Variants in SAMD5 observed in about 807,000 individuals in gnomAD.
SAMD5 encodes the protein sterile alpha motif domain-containing protein 5.
In SAMD5, 13 loss-of-function variants were observed where a neutral mutation model predicts 11.3. The observed-to-expected ratio is 1.15, with a 90% CI of 0.75 to 1.83. SAMD5 has a LOEUF of 1.83. Ranked by LOEUF, SAMD5 falls within the 40% of genes most tolerant of loss-of-function variation. The pLI is 0.00. For missense variants in SAMD5, 255 were observed against 239.1 expected, an observed-to-expected ratio of 1.07 and a Z score of -0.44; for synonymous variants, 129 against 111.3, an observed-to-expected ratio of 1.16 and a Z score of -1.00.
At chr6:147,754,472 G>T in the SAMD5 span, among the ~76,000 whole-genome samples, 1 of 151,082 alleles carries the variant, frequency 6.6e-6, no homozygotes, top group Non-Finnish European at 1.5e-5. Context: ...TCCTTTGTCA[G>T]ATGGGTAGTT....
chr6:147,548,875 C>T (rs1324316675), intron 1 of SAMD5, among the ~76,000 whole-genome samples: 1 of 152,076 alleles, frequency 6.6e-6, no homozygotes. Flanking sequence ...TCTTGCATTG[C>T]CCCTCCCTGC....
intron 1 of SAMD5, among the ~76,000 whole-genome samples, chr6:147,684,105 G>A (rs1790976215): frequency 6.6e-6 from 1 of 151,836 alleles, no homozygotes; most frequent in Admixed American, 6.6e-5. Context: ...GCCCCTGCTT[G>A]GTCCCCTTCC....
At chr6:147,857,503 G>T in the SAMD5 span, among the ~76,000 whole-genome samples, 1 of 151,698 alleles carries the variant, frequency 6.6e-6, no homozygotes, top group Non-Finnish European at 1.5e-5. Flanking sequence ...GACAGAGCAA[G>T]ACCTTATCTC....
chr6:147,792,530 A>G, the SAMD5 span, among the ~76,000 whole-genome samples: 2 of 152,188 alleles, frequency 1.3e-5, no homozygotes, highest in African/African-American at 4.8e-5. Flanking sequence ...TTCATATACT[A>G]TTTCCTTGCT....
Position 147,663,398 on chromosome 6 carries a change from A to T in SAMD5, c.163-73919A>T, listed in dbSNP as rs555374961. ...GGCTTAACACCTGGGTGATGAAATA[A>T]TCTGTACAACAAATCCCCATGAACC... On this transcript the variant is annotated intron_variant, in intron 1 of 1. Coordinates refer to the SAMD5 transcript ENST00000566741. Among the ~76,000 whole-genome samples, 5 of 152,318 alleles carry T rather than the reference A, an allele frequency of 3.3e-5. No homozygotes were observed. In the East Asian group the frequency reaches 9.6e-4, roughly 29 times the overall value.
chr6:147,868,462 A>G, the SAMD5 span, among the ~76,000 whole-genome samples: 2 of 152,314 alleles, frequency 1.3e-5, no homozygotes, highest in East Asian at 3.9e-4. Context: ...GACTTAATTA[A>G]TTACCTTCAA....
the SAMD5 span, among the ~76,000 whole-genome samples, chr6:147,901,680 T>G: frequency 6.6e-6 from 1 of 152,194 alleles, no homozygotes; most frequent in Non-Finnish European, 1.5e-5. Flanking sequence ...AAACAGAAAC[T>G]TGACCACAAT....
chr6:147,950,039 A>G, the SAMD5 span, among the ~76,000 whole-genome samples: 4 of 152,218 alleles, frequency 2.6e-5, no homozygotes. Flanking sequence ...AAGACATGTC[A>G]GGCACTTCAA....
intron 1 of SAMD5, among the ~76,000 whole-genome samples, chr6:147,638,681 T>C (rs1790267596): frequency 6.6e-6 from 1 of 152,180 alleles, no homozygotes; most frequent in Non-Finnish European, 1.5e-5. Flanking sequence ...CAAATAAGTG[T>C]GGGAGACCTC....
chr6:147,830,411 T>C, the SAMD5 span, among the ~76,000 whole-genome samples: 1 of 151,744 alleles, frequency 6.6e-6, no homozygotes, highest in South Asian at 2.1e-4. Context: ...TATGTACCAC[T>C]ACGCCTGGCT....
At chr6:147,700,483 A>G (rs923766260) in intron 1 of SAMD5, among the ~76,000 whole-genome samples, 5 of 152,208 alleles carry the variant, frequency 3.3e-5, no homozygotes, top group Non-Finnish European at 5.9e-5. Context: ...ATTCAGGTCT[A>G]TTTCACCTAA....
the SAMD5 span, among the ~76,000 whole-genome samples, chr6:147,919,889 G>A: frequency 1.3e-5 from 2 of 152,206 alleles, no homozygotes; most frequent in African/African-American, 4.8e-5. Flanking sequence ...GTTAGTGAAC[G>A]TCATAAAGAC....
the SAMD5 span, among the ~76,000 whole-genome samples, chr6:147,816,301 A>AAAAAAAAAAT: frequency 2.9e-4 from 19 of 66,350 alleles, no homozygotes; most frequent in African/African-American, 5.1e-4. Flanking sequence ...AAAAAAAAAA[A>AAAAAAAAAAT]ATATATATAT....
chr6:147,817,034 C>G, the SAMD5 span, among the ~76,000 whole-genome samples: 2 of 152,054 alleles, frequency 1.3e-5, no homozygotes, highest in African/African-American at 2.4e-5. Context: ...AAATGGAGAC[C>G]CCGCCTGGTT....
the SAMD5 span, among the ~76,000 whole-genome samples, chr6:147,839,746 A>G: frequency 6.6e-6 from 1 of 152,198 alleles, no homozygotes; most frequent in East Asian, 1.9e-4. Flanking sequence ...GCAAAACTCC[A>G]TCTCAAAGAA....
At chr6:147,854,370 G>A in the SAMD5 span, among the ~76,000 whole-genome samples, 1 of 152,142 alleles carries the variant, frequency 6.6e-6, no homozygotes, top group East Asian at 1.9e-4. Flanking sequence ...TGGTCACAGG[G>A]ACCCACTATA....
the SAMD5 span, among the ~76,000 whole-genome samples, chr6:147,909,600 CT>C: frequency 1.6e-3 from 112 of 70,800 alleles, 6 homozygotes; most frequent in African/African-American, 5.4e-3. Context: ...TTCTTTCTTT[CT>C]TTCTTTCTTT....
chr6:147,818,276 A>T, the SAMD5 span, among the ~76,000 whole-genome samples: 1 of 152,312 alleles, frequency 6.6e-6, no homozygotes, highest in Non-Finnish European at 1.5e-5. Context: ...TGAAGCTGAC[A>T]GTTTCTTCCA....
chr6:147,859,886 T>C, the SAMD5 span, among the ~76,000 whole-genome samples: 3 of 152,208 alleles, frequency 2.0e-5, no homozygotes, highest in Non-Finnish European at 4.4e-5. Flanking sequence ...TGTCTGTCCA[T>C]ATTTAAATAC....
Sources: gnomAD v4.1 joint callset for allele counts (sites outside exome capture counted in the v4.1 genomes callset) on GRCh38, gnomAD v4.1.1 for gene constraint, MANE v1.5 for transcripts, NCBI Gene and HGNC (gene_info 2026-07-23, HGNC 2026-07-21) for gene names.